The following WWOX variants were observed in gnomAD, a reference collection of about 807,000 sequenced individuals.
WWOX encodes WW domain containing oxidoreductase, also known as WW domain-containing oxidoreductase.
A neutral mutation model predicts 46.2 loss-of-function variants in WWOX; 69 were observed. The observed-to-expected ratio is 1.49, with a 90% confidence interval of 1.23 to 1.82. WWOX has a LOEUF of 1.82. Among genes scored for constraint, WWOX ranks in the 40% most tolerant of loss-of-function variants. The pLI is 0.00. For missense variants in WWOX, 919 were observed against 542.6 expected, an observed-to-expected ratio of 1.69 and a Z score of -6.89; for synonymous variants, 359 against 202.6, an observed-to-expected ratio of 1.77 and a Z score of -6.56.
Position 78,480,055 on chromosome 16 carries a change from G to A in WWOX, c.1056+47303G>A, listed in dbSNP as rs540459729. Among the ~76,000 whole-genome samples the A allele has an allele frequency of 3.9e-5, 6 of 152,340 alleles. No individual in the cohort carries two copies. The South Asian group carries it at 1.2e-3, about 32-fold the overall frequency. On this transcript the variant is annotated intron_variant, in intron 8 of 8. Transcript: ENST00000566780. ...CTCGAAGGCAACTAGGTGGATTACA[G>A]AATTGTGCTGGGTCCTATGGAGTGT...
At chr16:78,334,851 C>G (rs997447900) in intron 5 of WWOX, among the ~76,000 whole-genome samples, 2 of 136,078 alleles carry the variant, frequency 1.5e-5, no homozygotes, top group South Asian at 4.6e-4. Context: ...CACACACACA[C>G]ACACAAAATC....
At chr16:78,355,346 T>C (rs956080189) in intron 5 of WWOX, among the ~76,000 whole-genome samples, 1 of 152,184 alleles carries the variant, frequency 6.6e-6, no homozygotes, top group African/African-American at 2.4e-5. Context: ...CTCACGCCTG[T>C]AATCCCAGCA....
chr16:79,107,239 C>T (rs2049329168), intron 8 of WWOX, among the ~76,000 whole-genome samples: 1 of 151,490 alleles, frequency 6.6e-6, no homozygotes, highest in Non-Finnish European at 1.5e-5. Context: ...CCGCGCCCAG[C>T]CCAAAATGAC....
At chr16:78,120,282 A>G (rs1437330251) in intron 4 of WWOX, among the ~76,000 whole-genome samples, 3 of 152,158 alleles carry the variant, frequency 2.0e-5, no homozygotes, top group South Asian at 4.1e-4. Context: ...GAAGGTATAA[A>G]TATTTCAGCC....
At chr16:79,051,798 AACATTCTT>A (rs1254700047) in intron 8 of WWOX, among the ~76,000 whole-genome samples, 1 of 152,234 alleles carries the variant, frequency 6.6e-6, no homozygotes, top group Non-Finnish European at 1.5e-5. Context: ...GACCTGTGCT[AACATTCTT>A]AAATATCTGC....
At chr16:79,099,805 T>C (rs1412423827) in intron 8 of WWOX, among the ~76,000 whole-genome samples, 2 of 152,116 alleles carry the variant, frequency 1.3e-5, no homozygotes, top group Non-Finnish European at 2.9e-5. Flanking sequence ...TAAAATAAGG[T>C]TGTGGATCAT....
chr16:78,932,678 G>T (rs572447447), intron 8 of WWOX, among the ~76,000 whole-genome samples: 1 of 152,328 alleles, frequency 6.6e-6, no homozygotes, highest in South Asian at 2.1e-4. Flanking sequence ...CCCATGGGAG[G>T]ACCTGGTGGA....
At chr16:79,083,963 C>G (rs918791765) in intron 8 of WWOX, among the ~76,000 whole-genome samples, 1 of 152,206 alleles carries the variant, frequency 6.6e-6, no homozygotes, top group African/African-American at 2.4e-5. Flanking sequence ...GAATTTCTGA[C>G]TCCCGATCGG....
At chr16:78,594,267 C>A (rs1340509308) in intron 8 of WWOX, among the ~76,000 whole-genome samples, 1 of 152,076 alleles carries the variant, frequency 6.6e-6, no homozygotes, top group African/African-American at 2.4e-5. Flanking sequence ...TCCTCTGCAG[C>A]CTTGCAAAGT....
intron 8 of WWOX, among the ~76,000 whole-genome samples, chr16:78,920,661 G>A (rs2045357322): frequency 6.6e-6 from 1 of 152,132 alleles, no homozygotes; most frequent in South Asian, 2.1e-4. Flanking sequence ...TCATGTCTTG[G>A]AAACACTCCT....
intron 5 of WWOX, among the ~76,000 whole-genome samples, chr16:78,311,097 G>T (rs973431693): frequency 1.3e-5 from 2 of 152,164 alleles, no homozygotes; most frequent in African/African-American, 4.8e-5. Context: ...TGTGGGACTT[G>T]TGAAAAATAC....
chr16:78,402,022 CA>C (rs2082424316), intron 6 of WWOX, among the ~76,000 whole-genome samples: 1 of 152,154 alleles, frequency 6.6e-6, no homozygotes. Context: ...TTAAGCTGTA[CA>C]ATTGAGTGAT....
chr16:78,941,463 T>C (rs1262769924), intron 8 of WWOX, among the ~76,000 whole-genome samples: 2 of 113,462 alleles, frequency 1.8e-5, no homozygotes, highest in Non-Finnish European at 4.0e-5. Flanking sequence ...AACAAAGTCC[T>C]TTTTTTTTTT....
chr16:78,989,803 A>T (rs1187995096), intron 8 of WWOX, among the ~76,000 whole-genome samples: 1 of 134,222 alleles, frequency 7.5e-6, no homozygotes, highest in African/African-American at 2.7e-5. Context: ...GCAAAGTGAG[A>T]CAGAGGTGGT....
intron 8 of WWOX, among the ~76,000 whole-genome samples, chr16:78,933,771 G>C (rs923553307): frequency 1.3e-5 from 2 of 152,144 alleles, no homozygotes; most frequent in African/African-American, 4.8e-5. Flanking sequence ...AGAACAGCAT[G>C]GGAAAATCCT....
chr16:78,392,965 G>T (rs570969348), intron 6 of WWOX, among the ~76,000 whole-genome samples: 2 of 152,088 alleles, frequency 1.3e-5, no homozygotes, highest in East Asian at 1.9e-4. Flanking sequence ...CAGAGTTAGC[G>T]GTAGCAGCGG....
At chr16:78,884,686 T>C (rs928159340) in intron 8 of WWOX, among the ~76,000 whole-genome samples, 3 of 152,192 alleles carry the variant, frequency 2.0e-5, no homozygotes, top group African/African-American at 7.2e-5. Context: ...GATGGGAGCA[T>C]GAAGTGTCCT....
intron 8 of WWOX, among the ~76,000 whole-genome samples, chr16:78,893,786 C>G (rs1051621390): frequency 1.3e-5 from 2 of 152,148 alleles, no homozygotes; most frequent in Non-Finnish European, 2.9e-5. Flanking sequence ...CCCTGCCCCT[C>G]TCACCTTCAT....
intron 5 of WWOX, among the ~76,000 whole-genome samples, chr16:78,292,453 G>T (rs947361130): frequency 2.6e-5 from 4 of 152,050 alleles, no homozygotes; most frequent in African/African-American, 9.7e-5. Context: ...AATAAAAATG[G>T]TAACAACACA....
Sources: allele counts gnomAD v4.1 joint callset (sites outside exome capture counted in the v4.1 genomes callset), GRCh38; gene constraint gnomAD v4.1.1; transcripts MANE v1.5; gene names NCBI Gene and HGNC (gene_info 2026-07-23, HGNC 2026-07-21).